The following TIMM21 variants were observed in gnomAD, a reference collection of about 807,000 sequenced individuals.
TIMM21 encodes mitochondrial import inner membrane translocase subunit Tim21.
A neutral mutation model predicts 27.7 loss-of-function variants in TIMM21; 30 were observed. The ratio of observed to expected loss-of-function variants is 1.08; its 90% CI spans 0.81 to 1.47. The LOEUF (loss-of-function observed/expected upper bound fraction) is 1.47, where lower values mean the gene tolerates loss of function less well. TIMM21 is among the 40% of genes most tolerant of loss of function. TIMM21 has a pLI of 0.00. For missense variants in TIMM21, 292 were observed against 302.9 expected (o/e 0.96, Z 0.27); for synonymous variants, 121 against 114.4 (o/e 1.06, Z -0.37).
intron 1 of TIMM21, among the ~76,000 whole-genome samples, chr18:74,151,936 T>TCCC (rs1568190845): frequency 3.7e-5 from 4 of 107,032 alleles, no homozygotes; most frequent in African/African-American, 1.1e-4. Flanking sequence ...GGTGTCTATG[T>TCCC]TCCCCCCCCC....
Position 74,148,786 on chromosome 18 carries a change from A to T in TIMM21, c.-23A>T. The T allele has an allele frequency of 6.3e-7, 1 of 1,598,110 alleles. No homozygotes were observed. ...CCTAATTGTAGTTAGCATCGTCCCTAAGCGGAACGATTTTCCGTGAACATG... is the reference window on the plus strand; with the variant it reads ...CCTAATTGTAGTTAGCATCGTCCCTTAGCGGAACGATTTTCCGTGAACATG... On this transcript the variant is annotated 5_prime_UTR_variant, in exon 1 of 6. Transcript: ENST00000169551.
intron 1 of TIMM21, among the ~76,000 whole-genome samples, chr18:74,154,563 CT>C (rs1400389146): frequency 6.6e-6 from 1 of 152,202 alleles, no homozygotes; most frequent in African/African-American, 2.4e-5. Flanking sequence ...GCCTGGCCCC[CT>C]GACACTGTCT....
At chr18:74,156,694 G>A (rs1038297685) in intron 3 of TIMM21, 13 of 162,546 alleles carry the variant, frequency 8.0e-5, no homozygotes, top group Admixed American at 7.1e-4. Flanking sequence ...TGTTTTATTC[G>A]CAAACTCAGC....
Position 74,160,147 on chromosome 18 carries a change from T to TATC in TIMM21, c.*1668_*1670dup, listed in dbSNP as rs1980062033. 2 of 151,518 alleles carry TATC rather than the reference T, an allele frequency of 1.3e-5. No individual in the cohort carries two copies. The highest frequency in any genetic ancestry group is 3.9e-4 in the East Asian group (2 of 5,144). The allele number at this position is 151,518 out of a possible 1,614,324, so 9.4% of individuals were successfully genotyped here. ...CAGCCTGGCCAACATGGTGAAACCC[T>TATC]ATCTACTAAAAATTCAAAAAAAAAA... On this transcript the variant is annotated 3_prime_UTR_variant, in exon 6 of 6. Transcript: ENST00000169551.
intron 1 of TIMM21, 132 bp downstream of exon 1, chr18:74,149,241 A>G: frequency 1.0e-6 from 1 of 990,844 alleles, no homozygotes. Flanking sequence ...TTTAAACATA[A>G]TTTAGAACTA....
Position 74,148,709 on chromosome 18 carries a change from G to A in TIMM21, c.-100G>A. On this transcript the variant is annotated 5_prime_UTR_variant, in exon 1 of 6. Coordinates refer to ENST00000169551, the MANE Select transcript of TIMM21 (RefSeq NM_014177.3). ...GCCTAACACCCCATGTAATGTAAAC[G>A]TATAGGCTTGAGTACGTGTCCGGCC... 1 of 1,238,256 alleles carries A rather than the reference G, an allele frequency of 8.1e-7. No individual in the cohort carries two copies. Among genetic ancestry groups the A allele is most frequent in the East Asian group, 2.3e-5 (1 of 42,570 alleles). 76.7% of individuals were successfully genotyped at this position (1,238,256 alleles called of 1,614,324 possible).
intron 1 of TIMM21, among the ~76,000 whole-genome samples, chr18:74,151,011 T>G (rs1254952491): frequency 6.6e-6 from 1 of 152,172 alleles, no homozygotes; most frequent in Admixed American, 6.5e-5. Flanking sequence ...TCCCCTTGAT[T>G]TATACATTTG....
intron 1 of TIMM21, among the ~76,000 whole-genome samples, chr18:74,154,745 A>C (rs1177206850): frequency 6.6e-6 from 1 of 152,146 alleles, no homozygotes; most frequent in Non-Finnish European, 1.5e-5. Context: ...GTTTTTATGC[A>C]CCAGTCAGTG....
rs938740549 is a variant in TIMM21 at position 74,149,212 on chromosome 18, C to T, written c.301+103C>T. ...CTGCTAAAGGTGAAAAAGCAATTCACATGAATTTTTAAAAACCGTTTAAAC... is the reference window on the plus strand; with the variant it reads ...CTGCTAAAGGTGAAAAAGCAATTCATATGAATTTTTAAAAACCGTTTAAAC... On this transcript the variant is annotated intron_variant, in intron 1 of 5. Coordinates refer to ENST00000169551, the MANE Select transcript of TIMM21 (RefSeq NM_014177.3). 1.4e-5 allele frequency: 19 copies of T among 1,329,456 alleles called. No homozygotes were observed. The African/African-American group carries it at 2.1e-4, about 14-fold the overall frequency. The allele number at this position is 1,329,456 out of a possible 1,614,324, so 82.4% of individuals were successfully genotyped here.
At chr18:74,155,994 C>T (rs1017114764) in intron 3 of TIMM21, among the ~76,000 whole-genome samples, 4 of 152,184 alleles carry the variant, frequency 2.6e-5, no homozygotes, top group Non-Finnish European at 4.4e-5. Context: ...TCTGCCTCTA[C>T]CCTTCCCTGG....
At chr18:74,156,947 G>T (rs939042870) in intron 3 of TIMM21, 1 of 152,044 alleles carries the variant, frequency 6.6e-6, no homozygotes, top group Non-Finnish European at 1.5e-5. Flanking sequence ...AAAGTAAATT[G>T]TTCTATTTGT....
At chr18:74,156,644 A>G (rs137960446) in intron 3 of TIMM21, 237 of 197,632 alleles carry the variant, frequency 1.2e-3, no homozygotes, top group African/African-American at 5.0e-3. Flanking sequence ...TAACCTCATT[A>G]AATGTTAGGA....
Position 74,153,133 on chromosome 18 carries a change from C to T in TIMM21, c.302-2012C>T, listed in dbSNP as rs531841647. Among the ~76,000 whole-genome samples the T allele has an allele frequency of 3.3e-5, 5 of 152,320 alleles. No homozygotes were observed. The South Asian group carries it at 8.3e-4, about 25-fold the overall frequency. The stretch of plus-strand genomic sequence containing the variant: ...GAGAATTGTGGAAGCAAATAAATGG[C>T]ATGAGGGTTTTTTGCATACAAGTAT... On this transcript the variant is annotated intron_variant, in intron 1 of 5. Coordinates refer to ENST00000169551, the MANE Select transcript of TIMM21 (RefSeq NM_014177.3).
chr18:74,157,994 G>C lies in TIMM21; in HGVS notation c.463-20G>C, dbSNP rs1392602957. The C allele has an allele frequency of 1.9e-6, 3 of 1,612,800 alleles. No homozygotes were observed. The highest frequency in any genetic ancestry group is 2.5e-6 in the Non-Finnish European group (3 of 1,179,046). ...GCTTAAAAAAATAACACAAAATAAA[G>C]CACTGTCCTTGTTCTGCAGGTGATC... On this transcript the variant is annotated intron_variant, in intron 3 of 5. Transcript: ENST00000169551.
chr18:74,158,036 C>T lies in TIMM21; in HGVS notation c.485C>T (p.Ser162Phe), dbSNP rs1979998306. ...CAGGTGATCGGTGTCTTTGGTGAGT[C>T]TGTTAAAGGCTATGGGGAGGTGACA... is the stretch of plus-strand genomic sequence containing the variant. ...HPEVIGVFGE[S>F]VKGYGEVTRR... Residue 162 changes from serine (S) to phenylalanine (F), a missense_variant, in exon 4 of 6, where the codon TCT (serine) becomes TTT (phenylalanine). By Grantham distance (155) the Ser-to-Phe change is radical. Coordinates refer to ENST00000169551, the MANE Select transcript of TIMM21 (RefSeq NM_014177.3). The T allele has an allele frequency of 1.9e-6, 3 of 1,613,962 alleles. No homozygotes were observed. Among genetic ancestry groups the T allele is most frequent in the Admixed American group, 1.7e-5 (1 of 59,972 alleles).
chr18:74,160,138 G>A lies in TIMM21; in HGVS notation c.*1658G>A, dbSNP rs2121930244. The A allele has an allele frequency of 6.6e-6, 1 of 151,682 alleles. No individual in the cohort carries two copies. Among genetic ancestry groups the A allele is most frequent in the Non-Finnish European group, 1.5e-5 (1 of 67,994 alleles). The allele number at this position is 151,682 out of a possible 1,614,324, so 9.4% of individuals were successfully genotyped here. A position where few individuals can be genotyped will look rare whatever the true frequency, so the allele number is the denominator to read the frequency against. On this transcript the variant is annotated 3_prime_UTR_variant, in exon 6 of 6. Transcript: ENST00000169551. ...GTTCAAGACCAGCCTGGCCAACATG[G>A]TGAAACCCTATCTACTAAAAATTCA...
At chr18:74,153,293 T>C (rs530208205) in intron 1 of TIMM21, among the ~76,000 whole-genome samples, 2 of 152,316 alleles carry the variant, frequency 1.3e-5, no homozygotes, top group South Asian at 4.1e-4. Context: ...ATAACAGATA[T>C]ACAGGAGCTG....
intron 3 of TIMM21, chr18:74,156,506 G>A (rs1979955555): frequency 2.6e-6 from 1 of 387,590 alleles, no homozygotes; most frequent in Admixed American, 4.5e-5. Context: ...GAAAGGCAGG[G>A]AGGATAAAGT....
intron 3 of TIMM21, 67 bp downstream of exon 3, chr18:74,155,470 G>A (rs569527724): frequency 6.7e-6 from 9 of 1,334,534 alleles, no homozygotes; most frequent in Non-Finnish European, 9.4e-6. Flanking sequence ...AGGAGGAAGT[G>A]GGCAGAATTC....
Sources: allele counts gnomAD v4.1 joint callset (sites outside exome capture counted in the v4.1 genomes callset), GRCh38; gene constraint gnomAD v4.1.1; transcripts MANE v1.5; gene names NCBI Gene and HGNC (gene_info 2026-07-23, HGNC 2026-07-21).